Variants in STAU2 observed in about 807,000 individuals in gnomAD.
The protein encoded by STAU2 is staufen double-stranded RNA binding protein 2.
Under a neutral mutation model 65.9 loss-of-function variants are expected in STAU2, and 20 were observed. The ratio of observed to expected loss-of-function variants is 0.30; its 90% confidence interval spans 0.21 to 0.44. STAU2 has a LOEUF of 0.44. Ranked by LOEUF, STAU2 falls within the 20% of genes least tolerant of loss-of-function variation. The pLI, the probability that STAU2 is intolerant of heterozygous loss-of-function variation, is 1.00. For synonymous variants in STAU2, 232 were observed against 233.9 expected (o/e 0.99, Z 0.07); for missense variants, 558 against 683.9 (o/e 0.82, Z 2.05).
rs1174035145 is a variant in STAU2 at position 73,720,499 on chromosome 8, C to CTTT, written c.-17-11340_-17-11338dup. On this transcript the variant is annotated intron_variant, in intron 3 of 14. Coordinates refer to ENST00000524300, the MANE Select transcript of STAU2 (RefSeq NM_001164380.2). ...GTTGTCATTTAGTTTAAAATACTTT[C>CTTT]TTTTTTTTTTTTTTTTTTTTTTTTG... 9.1e-3 allele frequency among the ~76,000 whole-genome samples: 354 copies of CTTT among 39,078 alleles called. 134 individuals carry two copies. The East Asian group carries it at 0.23, about 25-fold the overall frequency. 25.6% of individuals were successfully genotyped at this position (39,078 alleles called of 152,430 possible). A position where few individuals can be genotyped will look rare whatever the true frequency, so the allele number is the denominator to read the frequency against.
intron 4 of STAU2, among the ~76,000 whole-genome samples, chr8:73,699,102 A>C (rs1819896846): frequency 6.6e-6 from 1 of 152,138 alleles, no homozygotes. Flanking sequence ...ATTTCAATGA[A>C]GAAATTAAGA....
intron 6 of STAU2, chr8:73,653,987 G>A (rs1816105151): frequency 3.6e-6 from 1 of 275,900 alleles, no homozygotes; most frequent in Non-Finnish European, 7.2e-6. Context: ...AAGAGGGAAG[G>A]GGAGGGAAAA....
chr8:73,655,639 C>CT (rs71269930), intron 6 of STAU2, among the ~76,000 whole-genome samples: 5,353 of 104,782 alleles, frequency 0.051, 685 homozygotes, highest in African/African-American at 0.09. Context: ...TTTAATACAT[C>CT]TTTTTTTTTT....
intron 5 of STAU2, among the ~76,000 whole-genome samples, chr8:73,677,115 C>CAT (rs141227836): frequency 1.2e-3 from 186 of 152,230 alleles, no homozygotes; most frequent in African/African-American, 4.3e-3. Flanking sequence ...TGCCAACAGG[C>CAT]ATATGGAAAG....
intron 4 of STAU2, among the ~76,000 whole-genome samples, chr8:73,705,883 T>C (rs1820471523): frequency 6.6e-6 from 1 of 152,184 alleles, no homozygotes; most frequent in South Asian, 2.1e-4. Flanking sequence ...TTAACCTCTG[T>C]CCTGTGTTTC....
chr8:73,528,724 A>C (rs1037369429), intron 13 of STAU2, among the ~76,000 whole-genome samples: 1 of 152,162 alleles, frequency 6.6e-6, no homozygotes, highest in Non-Finnish European at 1.5e-5. Context: ...CTTAAGTGAA[A>C]ATTTTGAATT....
chr8:73,467,735 T>C (rs1359897826), intron 13 of STAU2, among the ~76,000 whole-genome samples: 2 of 152,086 alleles, frequency 1.3e-5, no homozygotes. Flanking sequence ...TAAACAGATC[T>C]GGTATTAGAA....
At chr8:73,717,499 T>C (rs976411152) in intron 3 of STAU2, among the ~76,000 whole-genome samples, 10 of 152,256 alleles carry the variant, frequency 6.6e-5, no homozygotes, top group African/African-American at 2.2e-4. Context: ...TGTTTCCAAC[T>C]GTGGAAAAGG....
At chr8:73,649,869 T>TTATTTATATATATATATATATA (rs71269927) in intron 6 of STAU2, among the ~76,000 whole-genome samples, 4 of 71,656 alleles carry the variant, frequency 5.6e-5, no homozygotes, top group Non-Finnish European at 7.9e-5. Context: ...CTATATAATT[T>TTATTTATATATATATATATATA]TATATATATA....
chr8:73,614,504 G>A (rs890754613), intron 8 of STAU2, among the ~76,000 whole-genome samples: 1 of 152,094 alleles, frequency 6.6e-6, no homozygotes, highest in Non-Finnish European at 1.5e-5. Context: ...CTTGTGACAC[G>A]ATTTTAAAAA....
chr8:73,605,405 T>C (rs890709035), intron 9 of STAU2, among the ~76,000 whole-genome samples: 1 of 147,804 alleles, frequency 6.8e-6, no homozygotes, highest in Non-Finnish European at 1.5e-5. Flanking sequence ...GTATCCTGGG[T>C]TCAAGCGATT....
chr8:73,567,508 G>A (rs1010497752), intron 12 of STAU2, among the ~76,000 whole-genome samples: 4 of 150,190 alleles, frequency 2.7e-5, no homozygotes, highest in East Asian at 2.1e-4. Flanking sequence ...ATTAAAAAAC[G>A]ATTAAAAAAA....
intron 12 of STAU2, among the ~76,000 whole-genome samples, chr8:73,562,484 G>T (rs80216400): frequency 1.3e-5 from 2 of 152,080 alleles, no homozygotes; most frequent in Non-Finnish European, 1.5e-5. Context: ...CTTTAAAAAA[G>T]ATAGAGAGAG....
intron 13 of STAU2, among the ~76,000 whole-genome samples, chr8:73,516,841 A>G (rs1335267642): frequency 1.3e-5 from 2 of 152,182 alleles, no homozygotes; most frequent in African/African-American, 4.8e-5. Context: ...ACTATATTCC[A>G]TTGATCATCA....
chr8:73,474,133 AAAAACAAAAC>A (rs1394096550), intron 13 of STAU2, among the ~76,000 whole-genome samples: 3 of 152,160 alleles, frequency 2.0e-5, no homozygotes, highest in African/African-American at 4.8e-5. Flanking sequence ...TAAATGGTTA[AAAAACAAAAC>A]AAAACAAAAC....
At position 73,429,413 on chromosome 8, in the gene STAU2, CTTTTTTTTTTTTTTTTT is replaced by C. The variant is rs71561522; in HGVS notation, c.1531-6728_1531-6712del. On this transcript the variant is annotated intron_variant, in intron 13 of 14. Coordinates refer to ENST00000524300, the MANE Select transcript of STAU2 (RefSeq NM_001164380.2). ...AACCAATCTATATTCTTGCTCAGGT[CTTTTTTTTTTTTTTTTT>C]TTTTTTTTTTTTTTTTTTTTGAGGC... Among the ~76,000 whole-genome samples, 25 of 65,370 alleles carry C rather than the reference CTTTTTTTTTTTTTTTTT, an allele frequency of 3.8e-4. No individual in the cohort carries two copies. The East Asian group carries it at 5.2e-3, about 14-fold the overall frequency. 42.9% of individuals were successfully genotyped at this position (65,370 alleles called of 152,430 possible). A position where few individuals can be genotyped will look rare whatever the true frequency, so the allele number is the denominator to read the frequency against.
chr8:73,609,377 G>C (rs975755171), intron 9 of STAU2, among the ~76,000 whole-genome samples: 1 of 152,098 alleles, frequency 6.6e-6, no homozygotes, highest in African/African-American at 2.4e-5. Context: ...TAAAGGGCCG[G>C]GCGCGGTGGC....
chr8:73,473,367 G>GT (rs1234707033), intron 13 of STAU2, among the ~76,000 whole-genome samples: 1 of 152,142 alleles, frequency 6.6e-6, no homozygotes, highest in African/African-American at 2.4e-5. Context: ...AAATGTATAG[G>GT]TAAGTCGAAT....
chr8:73,691,154 A>C (rs1236161793), intron 4 of STAU2, among the ~76,000 whole-genome samples: 3 of 152,130 alleles, frequency 2.0e-5, no homozygotes, highest in Non-Finnish European at 4.4e-5. Flanking sequence ...AATCACATAA[A>C]TCTAACTGTC....
Sources: allele counts gnomAD v4.1 joint callset (sites outside exome capture counted in the v4.1 genomes callset), GRCh38; gene constraint gnomAD v4.1.1; transcripts MANE v1.5; gene names NCBI Gene and HGNC (gene_info 2026-07-23, HGNC 2026-07-21).